IL1RAPL2: variants seen among roughly 807,000 people sequenced by gnomAD.
IL1RAPL2 encodes interleukin 1 receptor accessory protein like 2.
A neutral mutation model predicts 44.1 loss-of-function variants in IL1RAPL2; 3 were observed. The observed-to-expected ratio is 0.07, with a 90% confidence interval of 0.03 to 0.18. The LOEUF is 0.18. IL1RAPL2 is among the 10% of genes least tolerant of loss of function. The probability of loss-of-function intolerance (pLI) is 1.00; values close to 1 mark genes in which losing one functional copy is unlikely to be tolerated. For missense variants in IL1RAPL2, 391 were observed against 496.4 expected (o/e 0.79, Z 2.02); for synonymous variants, 181 against 178.8 (o/e 1.01, Z -0.10).
intron 2 of IL1RAPL2, among the ~76,000 whole-genome samples, chrX:105,124,569 C>T (rs1281042928): frequency 9.1e-6 from 1 of 110,063 alleles, no homozygotes; most frequent in Non-Finnish European, 1.9e-5. Context: ...TTGTGGTCTG[C>T]CAGCTTTTCT....
chrX:105,192,151 T>C (rs1413011237), intron 2 of IL1RAPL2, among the ~76,000 whole-genome samples: 1 of 112,392 alleles, frequency 8.9e-6, no homozygotes, highest in Non-Finnish European at 1.9e-5. Context: ...ATCACAGATG[T>C]ATTCATTCAG....
At chrX:104,942,342 T>C in intron 2 of IL1RAPL2, among the ~76,000 whole-genome samples, 1 of 112,181 alleles carries the variant, frequency 8.9e-6, no homozygotes, top group Non-Finnish European at 1.9e-5. Context: ...GCATGGAATG[T>C]TCTTCCATTT....
chrX:105,715,259 AG>A (rs1235833165), intron 6 of IL1RAPL2, among the ~76,000 whole-genome samples: 1 of 112,318 alleles, frequency 8.9e-6, no homozygotes, highest in African/African-American at 3.2e-5. Context: ...TTATGTTGAA[AG>A]GCCATATCAA....
chrX:104,800,459 C>A (rs1427791749), intron 2 of IL1RAPL2, among the ~76,000 whole-genome samples: 1 of 111,481 alleles, frequency 9.0e-6, no homozygotes, highest in Non-Finnish European at 1.9e-5. Flanking sequence ...TGCAAGAGAT[C>A]AGTGACACTG....
chrX:104,586,037 T>C (rs1928553954), intron 1 of IL1RAPL2, among the ~76,000 whole-genome samples: 2 of 112,027 alleles, frequency 1.8e-5, no homozygotes, highest in African/African-American at 3.2e-5. Context: ...TCCACAATGG[T>C]TGAACACATT....
intron 6 of IL1RAPL2, among the ~76,000 whole-genome samples, chrX:105,590,291 G>T (rs2037159122): frequency 9.0e-6 from 1 of 110,830 alleles, no homozygotes. Flanking sequence ...AGACCATGTG[G>T]TTTTCTAAGT....
chrX:104,877,461 C>T (rs773576497), intron 2 of IL1RAPL2, among the ~76,000 whole-genome samples: 1 of 112,336 alleles, frequency 8.9e-6, no homozygotes, highest in Non-Finnish European at 1.9e-5. Context: ...CAGCATCATC[C>T]TGATACCAAA....
intron 6 of IL1RAPL2, among the ~76,000 whole-genome samples, chrX:105,604,123 AC>A (rs1334764377): frequency 9.0e-6 from 1 of 111,272 alleles, no homozygotes; most frequent in African/African-American, 3.3e-5. Flanking sequence ...AATAACAAAC[AC>A]AATTCAAAAT....
At chrX:104,805,671 A>G (rs1932917435) in intron 2 of IL1RAPL2, among the ~76,000 whole-genome samples, 1 of 112,254 alleles carries the variant, frequency 8.9e-6, no homozygotes, top group African/African-American at 3.2e-5. Context: ...GGGAGTAGTT[A>G]TCAAAGGTTT....
chrX:105,188,938 G>A lies in IL1RAPL2; in HGVS notation c.83-6537G>A, dbSNP rs562385545. Among the ~76,000 whole-genome samples the A allele has an allele frequency of 1.5e-4, 17 of 112,060 alleles. No homozygotes were observed. In the South Asian group the frequency reaches 5.9e-3, roughly 39 times the overall value. On this transcript the variant is annotated intron_variant, in intron 2 of 10. Transcript: ENST00000372582. The stretch of plus-strand genomic sequence containing the variant: ...CTAGGAGAAAAGAGGCACAGGTGTA[G>A]CAACAGGGGCACAGGCCACTCACAT...
intron 2 of IL1RAPL2, among the ~76,000 whole-genome samples, chrX:105,080,841 A>G (rs1008712622): frequency 9.0e-6 from 1 of 111,640 alleles, no homozygotes; most frequent in African/African-American, 3.3e-5. Context: ...GATTCTTCCT[A>G]TCCATGAGCA....
intron 6 of IL1RAPL2, among the ~76,000 whole-genome samples, chrX:105,655,664 C>A (rs1388646388): frequency 8.9e-6 from 1 of 112,138 alleles, no homozygotes; most frequent in Non-Finnish European, 1.9e-5. Context: ...TAGAATGGGT[C>A]ACAATTATAT....
At chrX:104,784,542 T>C (rs1232568442) in intron 2 of IL1RAPL2, among the ~76,000 whole-genome samples, 1 of 111,158 alleles carries the variant, frequency 9.0e-6, no homozygotes, top group Non-Finnish European at 1.9e-5. Context: ...AAAATGAATA[T>C]AAAGATTGTA....
intron 2 of IL1RAPL2, among the ~76,000 whole-genome samples, chrX:105,093,429 G>A (rs930433415): frequency 1.8e-5 from 2 of 111,413 alleles, no homozygotes; most frequent in Non-Finnish European, 3.8e-5. Flanking sequence ...TCCAATCACA[G>A]TATAGCCAGC....
intron 6 of IL1RAPL2, among the ~76,000 whole-genome samples, chrX:105,677,657 T>C (rs1032980371): frequency 9.0e-6 from 1 of 111,392 alleles, no homozygotes; most frequent in African/African-American, 3.3e-5. Flanking sequence ...TCTGAAAGAT[T>C]TTTTTTGGTG....
intron 6 of IL1RAPL2, among the ~76,000 whole-genome samples, chrX:105,575,604 T>G (rs2147812148): frequency 8.9e-6 from 1 of 112,322 alleles, no homozygotes; most frequent in African/African-American, 3.2e-5. Flanking sequence ...TCCATGTCTT[T>G]GCTATTGTGA....
intron 9 of IL1RAPL2, among the ~76,000 whole-genome samples, chrX:105,749,954 G>A (rs1389005323): frequency 1.8e-5 from 2 of 111,120 alleles, no homozygotes; most frequent in East Asian, 2.9e-4. Flanking sequence ...AGTCCAATTT[G>A]GAAAACATTA....
intron 1 of IL1RAPL2, among the ~76,000 whole-genome samples, chrX:104,599,868 T>G (rs945585888): frequency 5.4e-5 from 6 of 111,468 alleles, no homozygotes; most frequent in East Asian, 2.8e-4. Context: ...TGAGTTTTTT[T>G]TGTGTGTGTT....
intron 2 of IL1RAPL2, among the ~76,000 whole-genome samples, chrX:105,147,142 A>ATGGGGGTC (rs1556105439): frequency 1.8e-5 from 2 of 111,273 alleles, no homozygotes; most frequent in African/African-American, 6.5e-5. Context: ...TTTCCATTTG[A>ATGGGGGTC]TGGGGGTCTG....
Sources: allele counts gnomAD v4.1 joint callset (sites outside exome capture counted in the v4.1 genomes callset), GRCh38; gene constraint gnomAD v4.1.1; transcripts MANE v1.5; gene names NCBI Gene and HGNC (gene_info 2026-07-23, HGNC 2026-07-21).